Variants in UBE2B observed in about 807,000 individuals in gnomAD.
UBE2B encodes the protein ubiquitin-conjugating enzyme E2 B.
A neutral mutation model predicts 24.6 loss-of-function variants in UBE2B; 11 were observed. The observed-to-expected ratio is 0.45, with a 90% CI of 0.28 to 0.74. The LOEUF is 0.74. UBE2B is among the 30% of genes least tolerant of loss of function. UBE2B has a pLI of 0.13. For synonymous variants in UBE2B, 68 were observed against 62.4 expected (o/e 1.09, Z -0.42); for missense variants, 78 against 185.6 (o/e 0.42, Z 3.37).
chr5:134,383,857 G>A (rs1480832167), intron 4 of UBE2B, among the ~76,000 whole-genome samples: 2 of 151,938 alleles, frequency 1.3e-5, no homozygotes, highest in African/African-American at 2.4e-5. Flanking sequence ...TTTTTTAAAC[G>A]TGGGGATTAC....
At chr5:134,373,673 C>T (rs926703364) in intron 1 of UBE2B, among the ~76,000 whole-genome samples, 6 of 152,074 alleles carry the variant, frequency 3.9e-5, no homozygotes, top group African/African-American at 1.4e-4. Flanking sequence ...TGTGATGTTC[C>T]CTTTCCTGTG....
chr5:134,371,608 G>T lies in UBE2B; in HGVS notation c.13G>T (p.Ala5Ser). Residue 5 changes from alanine to serine, a missense_variant, in exon 1 of 6, where the codon GCC becomes TCC. Coordinates refer to ENST00000265339, the MANE Select transcript of UBE2B (RefSeq NM_003337.4). ...GCAGCTGCGGAGCATGTCGACCCCGGCCCGGAGGAGGCTCATGCGGGATTT... is the reference window on the plus strand; with the variant it reads ...GCAGCTGCGGAGCATGTCGACCCCGTCCCGGAGGAGGCTCATGCGGGATTT... MSTP[A>S]RRRLMRDFKR... 1 of 1,613,078 alleles carries T rather than the reference G, an allele frequency of 6.2e-7. No homozygotes were observed. The highest frequency in any genetic ancestry group is 8.5e-7 in the Non-Finnish European group (1 of 1,179,860).
Position 134,371,803 on chromosome 5 carries a change from T to C in UBE2B, c.44+164T>C, listed in dbSNP as rs1026476610. Among the ~76,000 whole-genome samples, 2 of 152,190 alleles carry C rather than the reference T, an allele frequency of 1.3e-5. 1 individual carries two copies. The highest frequency in any genetic ancestry group is 4.8e-5 in the African/African-American group (2 of 41,550). Reference sequence around the variant, plus strand: ...AGCCTCGGCCCTACTCCCATAAGCTTTGCCGCTCGTTCTGGCGCCCGAAGA... The same window carrying C: ...AGCCTCGGCCCTACTCCCATAAGCTCTGCCGCTCGTTCTGGCGCCCGAAGA... On this transcript the variant is annotated intron_variant, in intron 1 of 5. Coordinates refer to ENST00000265339, the MANE Select transcript of UBE2B (RefSeq NM_003337.4).
intron 3 of UBE2B, among the ~76,000 whole-genome samples, chr5:134,377,712 T>C (rs1299475020): frequency 6.6e-6 from 1 of 152,118 alleles, no homozygotes; most frequent in Admixed American, 6.6e-5. Context: ...CTTGGGGTCT[T>C]GGAGACCCTC....
chr5:134,375,938 T>C (rs542946701), intron 2 of UBE2B, among the ~76,000 whole-genome samples: 46 of 152,120 alleles, frequency 3.0e-4, no homozygotes, highest in African/African-American at 1.1e-3. Context: ...ACAAGAGTTA[T>C]GGCTCCATTG....
At chr5:134,371,880 C>T (rs1758444997) in intron 1 of UBE2B, among the ~76,000 whole-genome samples, 1 of 152,206 alleles carries the variant, frequency 6.6e-6, no homozygotes, top group Non-Finnish European at 1.5e-5. Context: ...TGTCGATCGA[C>T]TGGTCTAGGG....
chr5:134,379,403 T>TG (rs1427938248), intron 3 of UBE2B, among the ~76,000 whole-genome samples: 1 of 152,116 alleles, frequency 6.6e-6, no homozygotes, highest in Non-Finnish European at 1.5e-5. Flanking sequence ...CCCAGCACTT[T>TG]GGGAGGCCAA....
At chr5:134,388,943 ATTG>A in intron 5 of UBE2B, 4 of 234,358 alleles carry the variant, frequency 1.7e-5, no homozygotes. Flanking sequence ...CACTTCTTTA[ATTG>A]TTTTTTTTTT....
At chr5:134,388,233 A>C in intron 4 of UBE2B, 92 bp from the exon 5 acceptor site, 1 of 1,100,182 alleles carries the variant, frequency 9.1e-7, no homozygotes, top group Non-Finnish European at 1.4e-6. Flanking sequence ...TAATATTTAA[A>C]ACTTCTAAGC....
rs34854574 is a variant in UBE2B, at chr5:134,387,320, G to A, written c.242-1005G>A. 2.3e-3 allele frequency among the ~76,000 whole-genome samples: 343 copies of A among 152,186 alleles called. 2 individuals are homozygous for A. The highest frequency in any genetic ancestry group is 0.02 in the Admixed American group (310 of 15,274). On this transcript the variant is annotated intron_variant, in intron 4 of 5. Transcript: ENST00000265339. ...TAAGTAAATCTTTGTGCATGTCCACGTTTATTTCCTTAATTTCTAGGAGTG... is the reference window on the plus strand; with the variant it reads ...TAAGTAAATCTTTGTGCATGTCCACATTTATTTCCTTAATTTCTAGGAGTG...
rs1208807698 is a variant in UBE2B, at chr5:134,391,487, A to C, written c.*1134A>C. The C allele has an allele frequency of 6.6e-6, 1 of 152,640 alleles. No homozygotes were observed. The highest frequency in any genetic ancestry group is 1.9e-4 in the East Asian group (1 of 5,204). The allele number at this position is 152,640 out of a possible 1,614,324, so 9.5% of individuals were successfully genotyped here. Reference sequence around the variant, plus strand: ...AATACAAAACTATCCTATGCCTTCAAATAGTATAGAAAATGGAAAATATAC... The same window carrying C: ...AATACAAAACTATCCTATGCCTTCACATAGTATAGAAAATGGAAAATATAC... On this transcript the variant is annotated 3_prime_UTR_variant, in exon 6 of 6. Transcript: ENST00000265339.
Position 134,389,854 on chromosome 5 carries a change from C to G in UBE2B, c.331-371C>G, listed in dbSNP as rs560066627. ...GAGCCACCACACCCGACCTCTTTTT[C>G]TTTTTTAATAGAAACAGGGTCTCCC... On this transcript the variant is annotated intron_variant, in intron 5 of 5. Coordinates refer to ENST00000265339, the MANE Select transcript of UBE2B (RefSeq NM_003337.4). 146 of 276,068 alleles carry G rather than the reference C, an allele frequency of 5.3e-4. 2 individuals are homozygous for G. The highest frequency in any genetic ancestry group is 4.8e-3 in the South Asian group (126 of 26,422). The allele number at this position is 276,068 out of a possible 1,614,324, so 17.1% of individuals were successfully genotyped here. A position where few individuals can be genotyped will look rare whatever the true frequency, so the allele number is the denominator to read the frequency against.
intron 4 of UBE2B, among the ~76,000 whole-genome samples, chr5:134,382,184 G>C (rs1372678560): frequency 1.3e-5 from 2 of 152,122 alleles, no homozygotes; most frequent in Non-Finnish European, 2.9e-5. Context: ...CAGGCGTGGT[G>C]GTTCATACCT....
At chr5:134,388,072 C>G (rs1181522048) in intron 4 of UBE2B, 2 of 479,680 alleles carry the variant, frequency 4.2e-6, no homozygotes, top group African/African-American at 2.0e-5. Context: ...CCAAAGTGTT[C>G]AGGACTGGCG....
chr5:134,389,598 G>T (rs1240121636), intron 5 of UBE2B, among the ~76,000 whole-genome samples: 1 of 150,602 alleles, frequency 6.6e-6, no homozygotes, highest in Non-Finnish European at 1.5e-5. Context: ...GCCCAGGCTG[G>T]AGTACAGTGG....
chr5:134,376,215 G>A (rs1371993851), intron 2 of UBE2B, among the ~76,000 whole-genome samples: 2 of 146,660 alleles, frequency 1.4e-5, no homozygotes, highest in African/African-American at 2.5e-5. Flanking sequence ...CCACCTACTC[G>A]GGAGGTTGAG....
chr5:134,386,795 T>C (rs1758811964), intron 4 of UBE2B, among the ~76,000 whole-genome samples: 1 of 152,168 alleles, frequency 6.6e-6, no homozygotes. Context: ...TTATAAATAA[T>C]TAAAAACTTA....
chr5:134,377,174 C>T (rs1477626427), intron 3 of UBE2B, among the ~76,000 whole-genome samples: 3 of 152,154 alleles, frequency 2.0e-5, no homozygotes, highest in Non-Finnish European at 4.4e-5. Context: ...GTATTTTCAT[C>T]AGGGGCTAGG....
intron 4 of UBE2B, among the ~76,000 whole-genome samples, chr5:134,382,099 A>G (rs1447766651): frequency 1.3e-5 from 2 of 152,182 alleles, no homozygotes; most frequent in East Asian, 3.9e-4. Flanking sequence ...AGTATTATCT[A>G]TTTATTTGTG....
Sources: allele counts gnomAD v4.1 joint callset (sites outside exome capture counted in the v4.1 genomes callset), GRCh38; gene constraint gnomAD v4.1.1; transcripts MANE v1.5; gene names NCBI Gene and HGNC (gene_info 2026-07-23, HGNC 2026-07-21).